The following LRFN2 variants were observed in gnomAD, a reference collection of about 807,000 sequenced individuals.
LRFN2 encodes leucine-rich repeat and fibronectin type-III domain-containing protein 2.
LRFN2 carries 18 observed loss-of-function variants against 37.3 expected under a neutral mutation model. The ratio of observed to expected loss-of-function variants is 0.48; its 90% CI spans 0.33 to 0.72. The LOEUF is 0.72. Ranked by LOEUF, LRFN2 falls within the 30% of genes least tolerant of loss-of-function variation. The probability of loss-of-function intolerance (pLI) is 0.02; values close to 1 mark genes in which losing one functional copy is unlikely to be tolerated. For missense variants in LRFN2, 1,006 were observed against 1,060.7 expected, an observed-to-expected ratio of 0.95 and a Z score of 0.72; for synonymous variants, 556 against 466.6, an observed-to-expected ratio of 1.19 and a Z score of -2.47.
chr6:40,461,428 T>TA lies in LRFN2; in HGVS notation c.-18-28298dup, dbSNP rs201430521. On this transcript the variant is annotated intron_variant, in intron 1 of 2. Transcript: ENST00000338305. ...GACTCTAAAAAAATAAAATAAAAAC[T>TA]AAAAAAAAGAAATTATACACACTGC... 4.8e-3 allele frequency among the ~76,000 whole-genome samples: 721 copies of TA among 151,172 alleles called. 7 individuals are homozygous for TA. The highest frequency in any genetic ancestry group is 0.016 in the African/African-American group (658 of 41,190).
At chr6:40,560,427 C>T (rs1461731101) in intron 1 of LRFN2, among the ~76,000 whole-genome samples, 1 of 152,172 alleles carries the variant, frequency 6.6e-6, no homozygotes, top group Non-Finnish European at 1.5e-5. Context: ...AAATGATGGA[C>T]CGCACCATCA....
intron 1 of LRFN2, among the ~76,000 whole-genome samples, chr6:40,536,972 CAAT>C (rs1324976982): frequency 2.6e-5 from 4 of 152,300 alleles, no homozygotes; most frequent in Middle Eastern, 3.4e-3. Flanking sequence ...CACCACAACA[CAAT>C]GAGATAGGGT....
At chr6:40,498,678 G>C (rs1765295961) in intron 1 of LRFN2, among the ~76,000 whole-genome samples, 1 of 152,160 alleles carries the variant, frequency 6.6e-6, no homozygotes, top group Admixed American at 6.5e-5. Context: ...ACATGGACAG[G>C]CAGCTGTACA....
chr6:40,509,711 G>A (rs1363554453), intron 1 of LRFN2, among the ~76,000 whole-genome samples: 2 of 151,306 alleles, frequency 1.3e-5, no homozygotes, highest in Non-Finnish European at 2.9e-5. Flanking sequence ...AAGGAACACT[G>A]AGCTGCACAA....
intron 2 of LRFN2, among the ~76,000 whole-genome samples, chr6:40,410,208 T>A (rs774499977): frequency 7.2e-5 from 11 of 152,190 alleles, no homozygotes; most frequent in Non-Finnish European, 1.6e-4. Context: ...ATGTCCAGGC[T>A]GGAGGATGAG....
rs1270701630 is a variant in LRFN2 at position 40,551,601 on chromosome 6, G to T, written c.-19+35340C>A. Among the ~76,000 whole-genome samples, 3 of 152,210 alleles carry T rather than the reference G, an allele frequency of 2.0e-5. No individual in the cohort carries two copies. In the East Asian group the frequency reaches 5.8e-4, roughly 29 times the overall value. On this transcript the variant is annotated intron_variant, in intron 1 of 2. Transcript: ENST00000338305. ...AATCATAGCAGCTAACCTGATGGCA[G>T]GGAGTAGATAGTGATTGATAACTAT...
At chr6:40,434,041 G>A (rs1241352289) in intron 1 of LRFN2, among the ~76,000 whole-genome samples, 3 of 152,048 alleles carry the variant, frequency 2.0e-5, no homozygotes, top group South Asian at 4.2e-4. Flanking sequence ...TCCCTGCCCC[G>A]CCCCGCTGCA....
At chr6:40,412,599 C>T (rs2033527) in intron 2 of LRFN2, among the ~76,000 whole-genome samples, 85,007 of 151,948 alleles carry the variant, frequency 0.56, 25,711 homozygotes, top group South Asian at 0.79. Context: ...TCTGGGTCTC[C>T]GCTTTTCCCT....
intron 2 of LRFN2, among the ~76,000 whole-genome samples, chr6:40,398,711 C>T (rs1182100802): frequency 6.6e-6 from 1 of 151,924 alleles, no homozygotes; most frequent in African/African-American, 2.4e-5. Context: ...TAAGCTCACA[C>T]ACTCTAAAAG....
At chr6:40,492,948 A>G (rs2113870931) in intron 1 of LRFN2, among the ~76,000 whole-genome samples, 1 of 152,138 alleles carries the variant, frequency 6.6e-6, no homozygotes, top group Admixed American at 6.5e-5. Flanking sequence ...CATATGTAGG[A>G]TGCTGGGTAG....
chr6:40,469,618 T>G (rs1020677145), intron 1 of LRFN2, among the ~76,000 whole-genome samples: 7 of 152,142 alleles, frequency 4.6e-5, no homozygotes, highest in African/African-American at 1.7e-4. Context: ...CTCTTGGGTT[T>G]GGTCACTGGA....
At chr6:40,526,635 A>G (rs780676260) in intron 1 of LRFN2, among the ~76,000 whole-genome samples, 2 of 152,112 alleles carry the variant, frequency 1.3e-5, no homozygotes, top group African/African-American at 2.4e-5. Flanking sequence ...CTTCCCCAAG[A>G]GCTCAGCAAT....
chr6:40,534,530 A>G (rs905684551), intron 1 of LRFN2, among the ~76,000 whole-genome samples: 1 of 152,068 alleles, frequency 6.6e-6, no homozygotes, highest in Non-Finnish European at 1.5e-5. Flanking sequence ...AGTCAGCTCT[A>G]TGGCCCTGGA....
chr6:40,425,520 G>A (rs1247379234), intron 2 of LRFN2, among the ~76,000 whole-genome samples: 1 of 152,200 alleles, frequency 6.6e-6, no homozygotes, highest in Non-Finnish European at 1.5e-5. Context: ...CTCCCTCCAG[G>A]GTGGCAGAGG....
chr6:40,531,340 A>G (rs1766337097), intron 1 of LRFN2, among the ~76,000 whole-genome samples: 1 of 152,134 alleles, frequency 6.6e-6, no homozygotes, highest in African/African-American at 2.4e-5. Flanking sequence ...ATCATGATTG[A>G]CTGCTTGTCT....
At chr6:40,540,052 C>T (rs205512) in intron 1 of LRFN2, among the ~76,000 whole-genome samples, 5,471 of 152,154 alleles carry the variant, frequency 0.036, 316 homozygotes, top group African/African-American at 0.12. Context: ...ACAGCCCTGG[C>T]GCCGCACAGG....
intron 1 of LRFN2, among the ~76,000 whole-genome samples, chr6:40,576,473 C>T (rs996780183): frequency 6.6e-6 from 1 of 152,188 alleles, no homozygotes; most frequent in Admixed American, 6.5e-5. Context: ...TGCAGCGCAG[C>T]AGCATGGCAG....
In LRFN2 at chr6:40,432,107, G is replaced by T. The variant is rs878977852; in HGVS notation, c.1007C>A (p.Thr336Asn). Reference sequence around the variant, plus strand: ...CAGGGTGCCATTGTCATAGACAGCGGTCCTTGAGGAGTTCCCTACCAGGCG... The same window carrying T: ...CAGGGTGCCATTGTCATAGACAGCGTTCCTTGAGGAGTTCCCTACCAGGCG... ...DDRLVGNSSR[T>N]AVYDNGTLDI... is the part of the protein sequence containing the mutation. The change falls in exon 2 of 3, where the codon ACC becomes AAC. Residue 336 changes from threonine to asparagine, a missense_variant. By Grantham distance (65) the Thr-to-Asn change is moderately conservative. Coordinates refer to ENST00000338305, the MANE Select transcript of LRFN2 (RefSeq NM_020737.3). 1 of 1,613,972 alleles carries T rather than the reference G, an allele frequency of 6.2e-7. No homozygotes were observed. The highest frequency in any genetic ancestry group is 8.5e-7 in the Non-Finnish European group (1 of 1,179,952).
intron 1 of LRFN2, among the ~76,000 whole-genome samples, chr6:40,517,034 T>A (rs1190842177): frequency 6.6e-6 from 1 of 152,158 alleles, no homozygotes; most frequent in Non-Finnish European, 1.5e-5. Flanking sequence ...TAGGGCTTAC[T>A]TTCCCATTCT....
Sources: allele counts gnomAD v4.1 joint callset (sites outside exome capture counted in the v4.1 genomes callset), GRCh38; gene constraint gnomAD v4.1.1; transcripts MANE v1.5; gene names NCBI Gene and HGNC (gene_info 2026-07-23, HGNC 2026-07-21).